Variants in CCDC102B observed in about 807,000 individuals in gnomAD.
CCDC102B encodes the protein coiled-coil domain-containing protein 102B.
Under a neutral mutation model 57.4 loss-of-function variants are expected in CCDC102B, and 75 were observed. The ratio of observed to expected loss-of-function variants is 1.31; its 90% confidence interval spans 1.08 to 1.58. The LOEUF (loss-of-function observed/expected upper bound fraction) is 1.58, where lower values mean the gene tolerates loss of function less well. Among genes scored for constraint, CCDC102B ranks in the 40% most tolerant of loss-of-function variants. CCDC102B has a pLI of 0.00. For missense variants in CCDC102B, 636 were observed against 582.6 expected, an observed-to-expected ratio of 1.09 and a Z score of -0.94; for synonymous variants, 206 against 201.9, an observed-to-expected ratio of 1.02 and a Z score of -0.17.
rs530957083 is a variant in CCDC102B, at chr18:68,748,205, G to GGTATGTGTGTGTGTGTGTGTGT, written c.-67+31613_-67+31614insATGTGTGTGTGTGTGTGTGTGT. Among the ~76,000 whole-genome samples, 6 of 137,504 alleles carry GGTATGTGTGTGTGTGTGTGTGT rather than the reference G, an allele frequency of 4.4e-5. 1 individual carries two copies. The highest frequency in any genetic ancestry group is 4.8e-4 in the East Asian group (2 of 4,124). The allele number at this position is 137,504 out of a possible 152,430, so 90.2% of individuals were successfully genotyped here. On this transcript the variant is annotated intron_variant, in intron 2 of 3. Coordinates refer to the CCDC102B transcript ENST00000578970. The stretch of plus-strand genomic sequence containing the variant: ...TAGGTACTTTGTCCATTATTAAACT[G>GGTATGTGTGTGTGTGTGTGTGT]GTGTGTGTGTGTGTGTGTGTGTGTG...
chr18:68,728,952 G>A (rs2032731246), intron 2 of CCDC102B, among the ~76,000 whole-genome samples: 2 of 151,552 alleles, frequency 1.3e-5, no homozygotes, highest in South Asian at 4.2e-4. Context: ...TTTTAAAAAA[G>A]TTCATGTATT....
Position 68,762,259 on chromosome 18 carries a change from C to T in CCDC102B, c.-67+45665C>T, listed in dbSNP as rs559624882. Among the ~76,000 whole-genome samples the T allele has an allele frequency of 8.3e-4, 126 of 152,226 alleles. 1 individual carries two copies. The South Asian group carries it at 0.026, about 31-fold the overall frequency. On this transcript the variant is annotated intron_variant, in intron 2 of 3. Transcript: ENST00000578970. ...AAGAAGGCTAACATATCTCTTATAA[C>T]CACTTTGTCCTCTATTTACGGAGAA...
In CCDC102B at chr18:68,745,549, G is replaced by A. The variant is rs761328858; in HGVS notation, c.-67+28955G>A. Among the ~76,000 whole-genome samples the A allele has an allele frequency of 9.9e-5, 15 of 152,112 alleles. No individual in the cohort carries two copies. The South Asian group carries it at 2.1e-3, about 21-fold the overall frequency. On this transcript the variant is annotated intron_variant, in intron 2 of 3. Coordinates refer to the CCDC102B transcript ENST00000578970. ...ATGTATAGTGATCAGATTAGTGAGC[G>A]TATCTATCACCTCAAATATTTGGTG...
chr18:68,756,678 C>T (rs922640963), intron 2 of CCDC102B, among the ~76,000 whole-genome samples: 1 of 151,854 alleles, frequency 6.6e-6, no homozygotes, highest in Non-Finnish European at 1.5e-5. Context: ...TACTTGGTAC[C>T]CCAAACAATG....
intron 7 of CCDC102B, among the ~76,000 whole-genome samples, chr18:69,011,457 A>C (rs2051515527): frequency 6.6e-6 from 1 of 151,974 alleles, no homozygotes; most frequent in South Asian, 2.1e-4. Flanking sequence ...TCTATATCAA[A>C]AAGTGTGATA....
chr18:68,771,266 C>A (rs1053637338), intron 2 of CCDC102B, among the ~76,000 whole-genome samples: 2 of 152,128 alleles, frequency 1.3e-5, no homozygotes, highest in Admixed American at 6.6e-5. Flanking sequence ...CCAAGCCCTG[C>A]AAAGGGGAGA....
chr18:68,829,843 A>G (rs2037070720), intron 1 of CCDC102B, among the ~76,000 whole-genome samples: 1 of 152,020 alleles, frequency 6.6e-6, no homozygotes, highest in South Asian at 2.1e-4. Flanking sequence ...TAAATGCACA[A>G]AAATATTTGG....
intron 2 of CCDC102B, among the ~76,000 whole-genome samples, chr18:68,750,512 T>C (rs1005521348): frequency 2.0e-5 from 3 of 152,078 alleles, no homozygotes; most frequent in Non-Finnish European, 4.4e-5. Context: ...ATGTTTATTG[T>C]GGCACTATTC....
intron 6 of CCDC102B, among the ~76,000 whole-genome samples, chr18:68,928,068 C>T (rs2041538461): frequency 1.3e-5 from 2 of 151,830 alleles, no homozygotes; most frequent in African/African-American, 4.8e-5. Flanking sequence ...ACTTGAGCTC[C>T]TCTCTTTTCT....
upstream of CCDC102B, among the ~76,000 whole-genome samples, chr18:68,797,210 A>C (rs1198405119): frequency 6.6e-6 from 1 of 152,186 alleles, no homozygotes; most frequent in Non-Finnish European, 1.5e-5. Context: ...AAGTAGAGAT[A>C]GATGATAACA....
At chr18:68,905,484 T>C (rs930247895) in intron 6 of CCDC102B, among the ~76,000 whole-genome samples, 1 of 151,436 alleles carries the variant, frequency 6.6e-6, no homozygotes, top group Non-Finnish European at 1.5e-5. Flanking sequence ...ACTATTCTTT[T>C]TTCTTCTCTT....
chr18:69,023,035 C>A (rs1256271792), intron 7 of CCDC102B, among the ~76,000 whole-genome samples: 1 of 151,656 alleles, frequency 6.6e-6, no homozygotes, highest in Non-Finnish European at 1.5e-5. Context: ...TAATGTCTTT[C>A]TGATCGATGA....
At chr18:68,933,097 T>A (rs11873762) in intron 6 of CCDC102B, among the ~76,000 whole-genome samples, 3,870 of 127,618 alleles carry the variant, frequency 0.03, 148 homozygotes, top group African/African-American at 0.089. Flanking sequence ...TTACTCCTCA[T>A]AAAAAAAAAA....
intron 2 of CCDC102B, among the ~76,000 whole-genome samples, chr18:68,746,446 G>C (rs2033623416): frequency 6.6e-6 from 1 of 152,124 alleles, no homozygotes; most frequent in African/African-American, 2.4e-5. Flanking sequence ...TACCCAGTGT[G>C]ATATGCTTTC....
rs1463304327 is a variant in CCDC102B at position 68,837,141 on chromosome 18, A to C, written c.378A>C (p.Lys126Asn). 2 of 1,614,054 alleles carry C rather than the reference A, an allele frequency of 1.2e-6. No individual in the cohort carries two copies. Among genetic ancestry groups the C allele is most frequent in the Non-Finnish European group, 1.7e-6 (2 of 1,179,972 alleles). The change falls in exon 2 of 8, where the codon AAA (lysine) becomes AAC (asparagine). Residue 126 changes from lysine to asparagine, a missense_variant. By Grantham distance (94) the Lys-to-Asn change is moderately conservative. Coordinates refer to ENST00000360242, the MANE Select transcript of CCDC102B (RefSeq NM_024781.3). ...AREEGRQLRIKLEMAMKELST... is the reference protein window; with the variant it reads ...AREEGRQLRINLEMAMKELST... ...AGGAAGGAAGACAACTCAGAATAAA[A>C]CTAGAGATGGCGATGAAAGAATTGA...
intron 2 of CCDC102B, among the ~76,000 whole-genome samples, chr18:68,778,133 T>C (rs989559442): frequency 9.2e-5 from 14 of 152,268 alleles, no homozygotes; most frequent in African/African-American, 3.4e-4. Flanking sequence ...CTTGGGACTC[T>C]AGAAGAGAGT....
chr18:68,800,557 A>G (rs1004705160), intron 1 of CCDC102B, among the ~76,000 whole-genome samples: 1 of 152,154 alleles, frequency 6.6e-6, no homozygotes, highest in African/African-American at 2.4e-5. Context: ...TAGAGAAGGT[A>G]TCTTTTGCAT....
intron 7 of CCDC102B, among the ~76,000 whole-genome samples, chr18:69,018,436 T>C (rs1019601915): frequency 3.3e-5 from 5 of 152,140 alleles, no homozygotes; most frequent in African/African-American, 1.2e-4. Context: ...TCACCAGCAC[T>C]AGTTATTTTC....
intron 5 of CCDC102B, among the ~76,000 whole-genome samples, chr18:68,886,762 T>A (rs1398499894): frequency 6.6e-6 from 1 of 152,074 alleles, no homozygotes; most frequent in Non-Finnish European, 1.5e-5. Context: ...TGTTGTTTAT[T>A]CCATGCATCT....
Sources: gnomAD v4.1 joint callset for allele counts (sites outside exome capture counted in the v4.1 genomes callset) on GRCh38, gnomAD v4.1.1 for gene constraint, MANE v1.5 for transcripts, NCBI Gene and HGNC (gene_info 2026-07-23, HGNC 2026-07-21) for gene names.